BCAS4: variants seen among roughly 807,000 people sequenced by gnomAD.
BCAS4 encodes breast carcinoma amplified sequence 4.
Under a neutral mutation model 15.7 loss-of-function variants are expected in BCAS4, and 9 were observed. The ratio of observed to expected loss-of-function variants is 0.57; its 90% CI spans 0.34 to 1.00. BCAS4 has a LOEUF of 1.00. Ranked by LOEUF, BCAS4 falls within the 50% of genes least tolerant of loss-of-function variation. The pLI is 0.02. For synonymous variants in BCAS4, 101 were observed against 99.5 expected, an observed-to-expected ratio of 1.02 and a Z score of -0.09; for missense variants, 225 against 239.1, an observed-to-expected ratio of 0.94 and a Z score of 0.39.
chr20:50,847,090 G>A (rs1231127940), intron 4 of BCAS4, among the ~76,000 whole-genome samples: 1 of 152,064 alleles, frequency 6.6e-6, no homozygotes, highest in African/African-American at 2.4e-5. Flanking sequence ...GAACTCTCAG[G>A]AGGGATTCCG....
chr20:50,831,283 A>C (rs35006664), intron 3 of BCAS4, among the ~76,000 whole-genome samples: 4 of 151,890 alleles, frequency 2.6e-5, no homozygotes, highest in Non-Finnish European at 5.9e-5. Context: ...ACTAAAATCA[A>C]CCGGGCGTGG....
At chr20:50,857,091 C>A (rs950991759) in intron 4 of BCAS4, among the ~76,000 whole-genome samples, 2 of 152,198 alleles carry the variant, frequency 1.3e-5, no homozygotes, top group Non-Finnish European at 2.9e-5. Context: ...ATTCAGGGAG[C>A]CCTGTTCAGA....
intron 4 of BCAS4, among the ~76,000 whole-genome samples, chr20:50,873,017 C>T (rs922521702): frequency 1.2e-4 from 19 of 152,314 alleles, no homozygotes; most frequent in African/African-American, 2.6e-4. Flanking sequence ...GGCCAGACAC[C>T]GACAGAGCTT....
At chr20:50,872,734 C>T (rs1979719827) in intron 4 of BCAS4, among the ~76,000 whole-genome samples, 1 of 152,224 alleles carries the variant, frequency 6.6e-6, no homozygotes, top group South Asian at 2.1e-4. Flanking sequence ...TGCCCCTCTG[C>T]CCCTGCCTGG....
chr20:50,800,714 A>G (rs1600842925), intron 1 of BCAS4, among the ~76,000 whole-genome samples: 1 of 151,830 alleles, frequency 6.6e-6, no homozygotes, highest in Non-Finnish European at 1.5e-5. Context: ...GGTATGCACT[A>G]CCACGCCCGG....
At chr20:50,826,056 C>T (rs1441546734) in intron 2 of BCAS4, among the ~76,000 whole-genome samples, 3 of 152,180 alleles carry the variant, frequency 2.0e-5, no homozygotes, top group African/African-American at 7.2e-5. Context: ...CTCATTCTCA[C>T]TCCCCCGATT....
Position 50,865,837 on chromosome 20 carries a change from C to T in BCAS4, c.400-10649C>T, listed in dbSNP as rs749338292. On this transcript the variant is annotated intron_variant, in intron 4 of 4. Coordinates refer to ENST00000371608, the MANE Select transcript of BCAS4 (RefSeq NM_198799.4). ...CCAACCCCAAGGGCAGGACTGGACA[C>T]GCAGGGGCTGCCCACAGAGAAATGG... Among the ~76,000 whole-genome samples the T allele has an allele frequency of 5.3e-4, 81 of 152,210 alleles. 1 individual carries two copies. Among genetic ancestry groups the T allele is most frequent in the Non-Finnish European group, 9.4e-4 (64 of 68,008 alleles).
At chr20:50,810,578 A>ATTT (rs1471140746) in intron 1 of BCAS4, among the ~76,000 whole-genome samples, 31 of 142,580 alleles carry the variant, frequency 2.2e-4, no homozygotes, top group African/African-American at 8.2e-4. Flanking sequence ...ATAGTATGTT[A>ATTT]TTTTTTTTGT....
intron 4 of BCAS4, among the ~76,000 whole-genome samples, chr20:50,863,636 T>C (rs1979208147): frequency 6.6e-6 from 1 of 152,166 alleles, no homozygotes; most frequent in South Asian, 2.1e-4. Context: ...AAGGATTCTA[T>C]TGATAATTCA....
intron 1 of BCAS4, among the ~76,000 whole-genome samples, chr20:50,804,869 G>A (rs993117519): frequency 6.6e-6 from 1 of 152,126 alleles, no homozygotes; most frequent in African/African-American, 2.4e-5. Context: ...GTGGGTCGTT[G>A]TTTAACCTGC....
intron 4 of BCAS4, among the ~76,000 whole-genome samples, chr20:50,863,553 C>T (rs549704217): frequency 5.9e-5 from 9 of 152,272 alleles, no homozygotes; most frequent in South Asian, 2.1e-4. Flanking sequence ...ACATCACACC[C>T]GGCCTAGTTG....
intron 3 of BCAS4, among the ~76,000 whole-genome samples, chr20:50,834,965 A>G (rs953699139): frequency 1.3e-5 from 2 of 152,200 alleles, no homozygotes; most frequent in Admixed American, 6.5e-5. Context: ...GCTGGCGCAC[A>G]GTTGGGTGCT....
Position 50,876,664 on chromosome 20 carries a change from G to C in BCAS4, c.*56G>C. ...AAAGTGACATTGTGTACACACTGCA[G>C]CTTGGGGGTTTTTTCTTTGTATTGC... is the stretch of plus-strand genomic sequence containing the variant. On this transcript the variant is annotated 3_prime_UTR_variant, in exon 5 of 5. Coordinates refer to ENST00000371608, the MANE Select transcript of BCAS4 (RefSeq NM_198799.4). 8 of 1,557,772 alleles carry C rather than the reference G, an allele frequency of 5.1e-6. No homozygotes were observed. In the South Asian group the frequency reaches 9.7e-5, roughly 19 times the overall value.
At chr20:50,806,028 T>C (rs957622821) in intron 1 of BCAS4, among the ~76,000 whole-genome samples, 1 of 151,588 alleles carries the variant, frequency 6.6e-6, no homozygotes, top group Non-Finnish European at 1.5e-5. Flanking sequence ...CAGAAAGCAG[T>C]ATTCAGCACA....
At chr20:50,831,844 G>T (rs1357008048) in intron 3 of BCAS4, among the ~76,000 whole-genome samples, 1 of 152,206 alleles carries the variant, frequency 6.6e-6, no homozygotes, top group Non-Finnish European at 1.5e-5. Flanking sequence ...CTCCCAAGCT[G>T]CAGAGGGAGG....
chr20:50,805,697 C>G (rs1016809612), intron 1 of BCAS4, among the ~76,000 whole-genome samples: 1 of 151,986 alleles, frequency 6.6e-6, no homozygotes, highest in African/African-American at 2.4e-5. Context: ...GGAAACTGGC[C>G]AAAGCGGTGG....
chr20:50,816,841 G>A, intron 1 of BCAS4, among the ~76,000 whole-genome samples: 1 of 113,714 alleles, frequency 8.8e-6, no homozygotes, highest in Admixed American at 1.3e-4. Flanking sequence ...ATCTCGCTCT[G>A]TCGCCCAGGC....
intron 1 of BCAS4, among the ~76,000 whole-genome samples, chr20:50,806,528 T>C (rs753211850): frequency 3.3e-5 from 5 of 152,198 alleles, no homozygotes; most frequent in Non-Finnish European, 5.9e-5. Context: ...AGCTGGAGGA[T>C]TGGCCACCCT....
At chr20:50,814,815 C>T (rs959066945) in intron 1 of BCAS4, among the ~76,000 whole-genome samples, 3 of 152,028 alleles carry the variant, frequency 2.0e-5, no homozygotes, top group East Asian at 1.9e-4. Flanking sequence ...TATTCTATGG[C>T]GAAAGAGATT....
Sources: allele counts gnomAD v4.1 joint callset (sites outside exome capture counted in the v4.1 genomes callset), GRCh38; gene constraint gnomAD v4.1.1; transcripts MANE v1.5; gene names NCBI Gene and HGNC (gene_info 2026-07-23, HGNC 2026-07-21).